Variants in ESRRG observed in about 807,000 individuals in gnomAD.
The protein encoded by ESRRG is estrogen related receptor gamma, also known as estrogen-related receptor gamma.
ESRRG carries 13 observed loss-of-function variants against 44.0 expected under a neutral mutation model. That is an observed-to-expected ratio of 0.30 (90% CI 0.19 to 0.47). The LOEUF is 0.47. Among genes scored for constraint, ESRRG ranks in the 20% least tolerant of loss-of-function variants. The pLI is 1.00. For synonymous variants in ESRRG, 215 were observed against 214.6 expected, an observed-to-expected ratio of 1.00 and a Z score of -0.02; for missense variants, 395 against 580.6, an observed-to-expected ratio of 0.68 and a Z score of 3.29.
intron 1 of ESRRG, among the ~76,000 whole-genome samples, chr1:217,027,079 A>C (rs1418682647): frequency 2.0e-5 from 3 of 152,152 alleles, no homozygotes; most frequent in Non-Finnish European, 4.4e-5. Flanking sequence ...GTATCTTTAA[A>C]GGTAAGAATT....
intron 1 of ESRRG, among the ~76,000 whole-genome samples, chr1:216,969,629 A>T (rs1355102107): frequency 6.6e-6 from 1 of 152,140 alleles, no homozygotes; most frequent in African/African-American, 2.4e-5. Flanking sequence ...TTTGTTGCCC[A>T]GGCTAGAGTG....
chr1:216,619,452 G>A (rs937690087), intron 3 of ESRRG, among the ~76,000 whole-genome samples: 24 of 152,090 alleles, frequency 1.6e-4, no homozygotes, highest in Non-Finnish European at 8.8e-5. Flanking sequence ...TCAAAGAAAT[G>A]GGAAGTAAGA....
chr1:216,808,812 A>T (rs2094878985), intron 2 of ESRRG, among the ~76,000 whole-genome samples: 1 of 152,152 alleles, frequency 6.6e-6, no homozygotes, highest in African/African-American at 2.4e-5. Flanking sequence ...ATTTGCTCCC[A>T]GCTCAGGTCC....
intron 2 of ESRRG, among the ~76,000 whole-genome samples, chr1:216,931,277 A>G (rs2063308713): frequency 6.6e-6 from 1 of 151,834 alleles, no homozygotes; most frequent in Non-Finnish European, 1.5e-5. Flanking sequence ...TTATTATTTC[A>G]TTTTTTCTAA....
chr1:216,847,714 C>T (rs1329150498), intron 2 of ESRRG, among the ~76,000 whole-genome samples: 4 of 152,068 alleles, frequency 2.6e-5, no homozygotes, highest in Admixed American at 1.3e-4. Context: ...GGATATTAAA[C>T]CCTGGGTGAA....
At chr1:217,039,079 T>C (rs937893737) in intron 1 of ESRRG, among the ~76,000 whole-genome samples, 1 of 152,220 alleles carries the variant, frequency 6.6e-6, no homozygotes, top group Admixed American at 6.5e-5. Context: ...CCAGTTCGCA[T>C]TGAGTTCCTC....
chr1:216,875,418 G>A (rs538813680), intron 2 of ESRRG, among the ~76,000 whole-genome samples: 29 of 152,026 alleles, frequency 1.9e-4, no homozygotes, highest in Admixed American at 1.0e-3. Context: ...TAACCAAAAG[G>A]TACCAAAAGG....
chr1:216,946,681 C>A (rs1172496394), intron 1 of ESRRG, among the ~76,000 whole-genome samples: 2 of 151,760 alleles, frequency 1.3e-5, no homozygotes, highest in Non-Finnish European at 2.9e-5. Context: ...AAAACACAGA[C>A]CACCCTCCCC....
intron 1 of ESRRG, among the ~76,000 whole-genome samples, chr1:217,061,252 T>C (rs1195761068): frequency 6.6e-6 from 1 of 152,102 alleles, no homozygotes; most frequent in Non-Finnish European, 1.5e-5. Context: ...CAACCCCCTA[T>C]TACCGAAGCA....
intron 1 of ESRRG, among the ~76,000 whole-genome samples, chr1:217,033,716 G>A (rs1264514332): frequency 6.6e-6 from 1 of 152,152 alleles, no homozygotes; most frequent in East Asian, 1.9e-4. Flanking sequence ...AAGAGGCATA[G>A]TTACCAGTTA....
intron 2 of ESRRG, among the ~76,000 whole-genome samples, chr1:216,787,647 T>G (rs1438458356): frequency 6.7e-6 from 1 of 149,632 alleles, no homozygotes; most frequent in Non-Finnish European, 1.5e-5. Flanking sequence ...CTCCAAGTGT[T>G]CAAGTGAAAG....
chr1:216,508,665 C>T (rs1300981410), intron 6 of ESRRG, among the ~76,000 whole-genome samples: 1 of 152,170 alleles, frequency 6.6e-6, no homozygotes, highest in Non-Finnish European at 1.5e-5. Context: ...CTCTTAGAAA[C>T]AAACACACAT....
At chr1:216,963,351 T>C (rs951608912) in intron 1 of ESRRG, among the ~76,000 whole-genome samples, 28 of 152,144 alleles carry the variant, frequency 1.8e-4, no homozygotes, top group Admixed American at 1.0e-3. Context: ...GAAAACAATC[T>C]TGCTTAGAGG....
At chr1:217,007,008 TA>T (rs2077845061) in intron 1 of ESRRG, among the ~76,000 whole-genome samples, 1 of 152,156 alleles carries the variant, frequency 6.6e-6, no homozygotes. Context: ...TTAAGGCTTA[TA>T]AAAACTATTT....
intron 3 of ESRRG, among the ~76,000 whole-genome samples, chr1:216,590,988 A>G (rs577636945): frequency 7.9e-4 from 120 of 152,298 alleles, no homozygotes; most frequent in African/African-American, 2.8e-3. Context: ...ATAGGAAGAT[A>G]CTTGGTCTTT....
rs73103078 is a variant in ESRRG at position 217,106,594 on chromosome 1, G to A, written c.-230+31073C>T. On this transcript the variant is annotated intron_variant, in intron 1 of 8. Coordinates refer to the ESRRG transcript ENST00000366940. ...AGTTGTTTTGCATAAAGAACCACAT[G>A]GATCAGGAGGGATTTTCTGAAACAG... 2.9e-3 allele frequency among the ~76,000 whole-genome samples: 443 copies of A among 152,288 alleles called. 2 individuals carry two copies. Among genetic ancestry groups the A allele is most frequent in the African/African-American group, 0.01 (426 of 41,572 alleles).
intron 1 of ESRRG, among the ~76,000 whole-genome samples, chr1:217,021,014 A>G (rs1338769170): frequency 6.7e-6 from 1 of 149,848 alleles, no homozygotes; most frequent in African/African-American, 2.4e-5. Flanking sequence ...CTTTCATACT[A>G]GGAGAACCCC....
At chr1:216,552,709 G>T (rs571312462) in intron 5 of ESRRG, among the ~76,000 whole-genome samples, 1 of 152,118 alleles carries the variant, frequency 6.6e-6, no homozygotes, top group African/African-American at 2.4e-5. Flanking sequence ...AAAATACAAA[G>T]GTCTAGCAAA....
chr1:217,064,403 G>T (rs2089256242), intron 1 of ESRRG, among the ~76,000 whole-genome samples: 1 of 152,068 alleles, frequency 6.6e-6, no homozygotes, highest in South Asian at 2.1e-4. Context: ...TATAACCACA[G>T]AAACTGAGGC....
Sources: allele counts gnomAD v4.1 joint callset (sites outside exome capture counted in the v4.1 genomes callset), GRCh38; gene constraint gnomAD v4.1.1; transcripts MANE v1.5; gene names NCBI Gene and HGNC (gene_info 2026-07-23, HGNC 2026-07-21).